The following STYXL2 variants were observed in gnomAD, a reference collection of about 807,000 sequenced individuals.
STYXL2 encodes the protein serine/threonine/tyrosine interacting like 2.
A neutral mutation model predicts 52.4 loss-of-function variants in STYXL2; 44 were observed. The observed-to-expected ratio is 0.84, with a 90% CI of 0.66 to 1.08. STYXL2 has a LOEUF of 1.08. STYXL2 is among the 50% of genes least tolerant of loss of function. The pLI is 0.00. For missense variants in STYXL2, 1,604 were observed against 1,471.7 expected (o/e 1.09, Z -1.47); for synonymous variants, 604 against 586.9 (o/e 1.03, Z -0.42).
chr1:167,126,170 G>A lies in STYXL2; in HGVS notation c.1039G>A (p.Glu347Lys). Residue 347 changes from glutamate to lysine, a missense_variant, in exon 6 of 6, where the codon GAG (glutamate) becomes AAG (lysine). By Grantham distance (56) the Glu-to-Lys change is moderately conservative. Coordinates refer to ENST00000361200, the MANE Select transcript of STYXL2 (RefSeq NM_001080426.3). Reference sequence around the variant, plus strand: ...CCTCACCCTCATAGACGAGGAGGAGGAGGAGAAACTGTACGAGCAGTGGAA... The same window carrying A: ...CCTCACCCTCATAGACGAGGAGGAGAAGGAGAAACTGTACGAGCAGTGGAA... Reference protein sequence around the residue: ...KPLTLIDEEEEEKLYEQWKKG... With the variant: ...KPLTLIDEEEKEKLYEQWKKG... The A allele has an allele frequency of 1.3e-6, 2 of 1,515,288 alleles. No individual in the cohort carries two copies. The highest frequency in any genetic ancestry group is 8.8e-7 in the Non-Finnish European group (1 of 1,134,406). 93.9% of individuals were successfully genotyped at this position (1,515,288 alleles called of 1,614,324 possible).
chr1:167,114,896 A>G (rs1029566634), intron 3 of STYXL2, among the ~76,000 whole-genome samples: 1 of 152,048 alleles, frequency 6.6e-6, no homozygotes, highest in African/African-American at 2.4e-5. Context: ...CAGCACCACT[A>G]TAGCTCTAGA....
rs753215878 is a variant in STYXL2, at chr1:167,126,942, A to G, written c.1811A>G (p.Asn604Ser). 4 of 1,611,542 alleles carry G rather than the reference A, an allele frequency of 2.5e-6. No homozygotes were observed. The highest frequency in any genetic ancestry group is 3.4e-6 in the Non-Finnish European group (4 of 1,178,764). The part of the protein sequence containing the change: ...LKHQKKVGSE[N>S]KEEVVELSKG... ...CACCAGAAGAAGGTGGGCAGTGAGA[A>G]CAAGGAGGAGGTGGTGGAGCTCAGC... The change falls in exon 6 of 6, where the codon AAC (asparagine) becomes AGC (serine). Residue 604 changes from asparagine (N) to serine (S), a missense_variant. By Grantham distance (46) the Asn-to-Ser change is conservative (BLOSUM62 1). Transcript: ENST00000361200.
At chr1:167,124,895 G>C (rs916335418) in intron 5 of STYXL2, among the ~76,000 whole-genome samples, 2 of 150,134 alleles carry the variant, frequency 1.3e-5, no homozygotes, top group Admixed American at 1.3e-4. Context: ...CTCTATGTGA[G>C]TGAGTCAGTC....
At chr1:167,124,627 C>T (rs1667923445) in intron 5 of STYXL2, among the ~76,000 whole-genome samples, 1 of 152,110 alleles carries the variant, frequency 6.6e-6, no homozygotes, top group Non-Finnish European at 1.5e-5. Flanking sequence ...CGCAAAAGCT[C>T]CTGTAGGCTA....
Position 167,125,923 on chromosome 1 carries a change from T to A in STYXL2, c.792T>A (p.Asn264Lys). 6.2e-7 allele frequency: 1 copy of A among 1,614,050 alleles called. No individual in the cohort carries two copies. Among genetic ancestry groups the A allele is most frequent in the Non-Finnish European group, 8.5e-7 (1 of 1,180,002 alleles). Residue 264 changes from asparagine to lysine, a missense_variant, in exon 6 of 6, where the codon AAT becomes AAA. Coordinates refer to ENST00000361200, the MANE Select transcript of STYXL2 (RefSeq NM_001080426.3). ...GTAAGAAGCGGGCCATCTACCCCAA[T>A]GAGGGCTTCCTGAAGCAGCTGCGGG... The part of the protein sequence containing the change: ...TVRKKRAIYP[N>K]EGFLKQLREL...
Position 167,127,522 on chromosome 1 carries a change from T to G in STYXL2, c.2391T>G (p.Ser797=). 6.2e-7 allele frequency: 1 copy of G among 1,614,092 alleles called. No individual in the cohort carries two copies. The highest frequency in any genetic ancestry group is 1.1e-5 in the South Asian group (1 of 91,072). Residue 797 remains serine (S), a synonymous_variant, in exon 6 of 6, where the codon TCT becomes TCG. Transcript: ENST00000361200. ...CAAGACCCAGCTCTGACATGCAGTC[T>G]GTGCTGTCCTGCAACACCACACTGA... ...SQARPSSDMQ[S]VLSCNTTLSS...
At chr1:167,108,857 G>A (rs893412834) in intron 2 of STYXL2, among the ~76,000 whole-genome samples, 2 of 152,254 alleles carry the variant, frequency 1.3e-5, no homozygotes, top group African/African-American at 4.8e-5. Flanking sequence ...CCCAAAGTGT[G>A]AGAGGGGGAA....
At chr1:167,102,758 C>G (rs1667427686) in intron 2 of STYXL2, among the ~76,000 whole-genome samples, 1 of 152,164 alleles carries the variant, frequency 6.6e-6, no homozygotes, top group Non-Finnish European at 1.5e-5. Flanking sequence ...CCTCCTTGTA[C>G]TTGATAAGTG....
In STYXL2 at chr1:167,126,321, A is replaced by G. The variant is rs1667964169; in HGVS notation, c.1190A>G (p.Gln397Arg). Reference protein sequence around the residue: ...EDVERIIQEWQSRNERYQAEG... With the variant: ...EDVERIIQEWRSRNERYQAEG... ...GTGGAGAGGATCATCCAGGAGTGGC[A>G]GAGCCGAAACGAGAGGTACCAAGCA... The change falls in exon 6 of 6, where the codon CAG (glutamine) becomes CGG (arginine). Residue 397 changes from glutamine (Q) to arginine (R), a missense_variant. Physicochemically the swap from Gln to Arg is conservative, Grantham distance 43. Transcript: ENST00000361200. 1 of 1,521,334 alleles carries G rather than the reference A, an allele frequency of 6.6e-7. No individual in the cohort carries two copies. Among genetic ancestry groups the G allele is most frequent in the Admixed American group, 2.1e-5 (1 of 46,870 alleles). 94.2% of individuals were successfully genotyped at this position (1,521,334 alleles called of 1,614,324 possible).
chr1:167,112,209 A>C (rs1206952493), intron 2 of STYXL2, among the ~76,000 whole-genome samples: 3 of 152,164 alleles, frequency 2.0e-5, no homozygotes, highest in African/African-American at 7.2e-5. Flanking sequence ...AAACTCTCAG[A>C]TACTATGGAT....
intron 2 of STYXL2, among the ~76,000 whole-genome samples, chr1:167,102,436 A>G (rs906958071): frequency 6.6e-6 from 1 of 152,148 alleles, no homozygotes; most frequent in African/African-American, 2.4e-5. Flanking sequence ...AACCCTTGAA[A>G]GCTTGCTTAA....
At position 167,101,807 on chromosome 1, in the gene STYXL2, G is replaced by GA. The variant is rs796470472; in HGVS notation, c.110+6858dup. 2.9e-3 allele frequency among the ~76,000 whole-genome samples: 412 copies of GA among 143,542 alleles called. 2 individuals are homozygous for GA. Among genetic ancestry groups the GA allele is most frequent in the African/African-American group, 8.1e-3 (316 of 38,786 alleles). The allele number at this position is 143,542 out of a possible 152,430, so 94.2% of individuals were successfully genotyped here. ...CAGAGTGACAGTCCATCTCAAAAAA[G>GA]AAAAAAAAAAGCCTATGTCTATGCA... On this transcript the variant is annotated intron_variant, in intron 2 of 5. Transcript: ENST00000361200.
chr1:167,122,704 T>C (rs894384717), intron 5 of STYXL2, among the ~76,000 whole-genome samples: 1 of 152,168 alleles, frequency 6.6e-6, no homozygotes, highest in African/African-American at 2.4e-5. Flanking sequence ...AGTCTCACTC[T>C]GTCACCCAGG....
Position 167,113,719 on chromosome 1 carries a change from G to A in STYXL2, c.120G>A (p.Met40Ile), listed in dbSNP as rs1225715297. 1 of 1,612,570 alleles carries A rather than the reference G, an allele frequency of 6.2e-7. No individual in the cohort carries two copies. The highest frequency in any genetic ancestry group is 8.5e-7 in the Non-Finnish European group (1 of 1,178,778). ...TATCCTCTTCCCTTAGGTATTCGAT[G>A]GTCTCAGATGCAGAAACAGAAAGCA... ...LRSPSPSQYS[M>I]VSDAETESIF... The change falls in exon 3 of 6, where the codon ATG (methionine) becomes ATA (isoleucine). Residue 40 changes from methionine (M) to isoleucine (I), a missense_variant. By Grantham distance (10) the Met-to-Ile change is conservative. Transcript: ENST00000361200.
chr1:167,114,360 A>G (rs1667681334), intron 3 of STYXL2, among the ~76,000 whole-genome samples: 11 of 152,180 alleles, frequency 7.2e-5, no homozygotes, highest in Admixed American at 7.2e-4. Context: ...ATTTTTTTCT[A>G]ATCAATTTTA....
In STYXL2 at chr1:167,127,231, C is replaced by T; in HGVS notation, c.2100C>T (p.Thr700=). ...QAASNIAGCS[T]SNPTTPLPNL... Reference sequence around the variant, plus strand: ...CAAGCAACATAGCGGGGTGTTCAACCTCCAACCCCACCACACCCCTGCCTA... The same window carrying T: ...CAAGCAACATAGCGGGGTGTTCAACTTCCAACCCCACCACACCCCTGCCTA... The change falls in exon 6 of 6, where the codon ACC becomes ACT. Residue 700 remains threonine, a synonymous_variant. Coordinates refer to ENST00000361200, the MANE Select transcript of STYXL2 (RefSeq NM_001080426.3). The T allele has an allele frequency of 6.2e-7, 1 of 1,614,190 alleles. No homozygotes were observed. The highest frequency in any genetic ancestry group is 1.6e-4 in the Middle Eastern group (1 of 6,062).
rs1429683436 is a variant in STYXL2, at chr1:167,126,459, T to A, written c.1328T>A (p.Val443Glu). ...TLSESSAWES[V>E]SSHDIWVLKQ... ...AGCGAGAGCAGCGCCTGGGAGAGCGTGAGCAGCCACGACATCTGGGTCCTG... is the reference window on the plus strand; with the variant it reads ...AGCGAGAGCAGCGCCTGGGAGAGCGAGAGCAGCCACGACATCTGGGTCCTG... Residue 443 changes from valine to glutamate, a missense_variant, in exon 6 of 6, where the codon GTG (valine) becomes GAG (glutamate). Coordinates refer to ENST00000361200, the MANE Select transcript of STYXL2 (RefSeq NM_001080426.3). 1 of 1,591,042 alleles carries A rather than the reference T, an allele frequency of 6.3e-7. No individual in the cohort carries two copies. The highest frequency in any genetic ancestry group is 1.1e-5 in the South Asian group (1 of 87,998).
Position 167,126,549 on chromosome 1 carries a change from C to A in STYXL2, c.1418C>A (p.Ser473Ter), listed in dbSNP as rs151144845. The change falls in exon 6 of 6, where the codon TCG (serine) becomes TAG (stop). Residue 473 changes from serine (S) to a stop codon, truncating the protein, a stop_gained. Coordinates refer to ENST00000361200, the MANE Select transcript of STYXL2 (RefSeq NM_001080426.3). LOFTEE classifies it low-confidence loss of function (END_TRUNC). ...AGGCGCCGCGCAGACTCGATGTCCT[C>A]GGAGAGCACCTGGGACGCATGGAAC... ...GRRRRADSMS[S>*]ESTWDAWNER... 3.1e-6 allele frequency: 5 copies of A among 1,613,636 alleles called. No homozygotes were observed. The South Asian group carries it at 5.5e-5, about 18-fold the overall frequency.
At chr1:167,106,433 G>C (rs943640868) in intron 2 of STYXL2, among the ~76,000 whole-genome samples, 1 of 152,200 alleles carries the variant, frequency 6.6e-6, no homozygotes, top group Non-Finnish European at 1.5e-5. Flanking sequence ...AGAAGGCCTT[G>C]TAATCCCTAC....
Sources: gnomAD v4.1 joint callset for allele counts (sites outside exome capture counted in the v4.1 genomes callset) on GRCh38, gnomAD v4.1.1 for gene constraint, MANE v1.5 for transcripts, NCBI Gene and HGNC (gene_info 2026-07-23, HGNC 2026-07-21) for gene names.